BSN: variants seen among roughly 807,000 people sequenced by gnomAD.
BSN encodes the protein protein bassoon.
A neutral mutation model predicts 264.8 loss-of-function variants in BSN; 57 were observed. The observed-to-expected ratio is 0.22, with a 90% CI of 0.17 to 0.27. The LOEUF (loss-of-function observed/expected upper bound fraction) is 0.27, where lower values mean the gene tolerates loss of function less well. Among genes scored for constraint, BSN ranks in the 10% least tolerant of loss-of-function variants. The pLI is 1.00. For synonymous variants in BSN, 2,059 were observed against 2,137.3 expected (o/e 0.96, Z 1.01); for missense variants, 4,615 against 5,232.5 (o/e 0.88, Z 3.64).
Position 49,554,749 on chromosome 3 carries a change from G to A in BSN, c.147G>A (p.Ala49=). Residue 49 remains alanine (A), a synonymous_variant, in exon 1 of 12, where the codon GCG becomes GCA. Coordinates refer to ENST00000296452, the MANE Select transcript of BSN (RefSeq NM_003458.4). ...CCGGTGGCGGACAGCTCCCCGCGGC[G>A]GGAGCAGCGCGGTCGACCGCGGTAC... ...APAGGGQLPA[A]GAARSTAVPP... 8.1e-7 allele frequency: 1 copy of A among 1,231,442 alleles called. No individual in the cohort carries two copies. The highest frequency in any genetic ancestry group is 1.0e-6 in the Non-Finnish European group (1 of 985,536). The allele number at this position is 1,231,442 out of a possible 1,614,324, so 76.3% of individuals were successfully genotyped here.
chr3:49,641,064 G>A (rs1365823888), intron 2 of BSN, among the ~76,000 whole-genome samples: 2 of 152,140 alleles, frequency 1.3e-5, no homozygotes, highest in African/African-American at 2.4e-5. Context: ...ACAGAGTTGT[G>A]CTGAAGAGTT....
At chr3:49,618,314 C>A (rs184982119) in intron 1 of BSN, among the ~76,000 whole-genome samples, 1 of 152,234 alleles carries the variant, frequency 6.6e-6, no homozygotes, top group East Asian at 1.9e-4. Context: ...GACTTCTCTC[C>A]CTGGATTCCC....
In BSN at chr3:49,654,548, A is replaced by C; in HGVS notation, c.4992A>C (p.Ala1664=). ...VEPGPRTPGT[A]VVDLRTAVKP... is the part of the protein sequence containing the mutation. ...CAGGCCCCAGGACCCCTGGCACTGC[A>C]GTGGTAGACCTCCGTACAGCTGTCA... The change falls in exon 5 of 12, where the codon GCA becomes GCC. Residue 1664 remains alanine, a synonymous_variant. Coordinates refer to ENST00000296452, the MANE Select transcript of BSN (RefSeq NM_003458.4). This position sits in a 1 kb window ranked among gnomAD's most constrained non-coding sequence, Gnocchi z 4.1. 6.2e-7 allele frequency: 1 copy of C among 1,610,536 alleles called. No individual in the cohort carries two copies. Among genetic ancestry groups the C allele is most frequent in the South Asian group, 1.1e-5 (1 of 90,492 alleles).
chr3:49,627,466 C>T (rs1056641569), intron 2 of BSN, among the ~76,000 whole-genome samples: 2 of 152,296 alleles, frequency 1.3e-5, no homozygotes, highest in Non-Finnish European at 2.9e-5. Context: ...AAGCATAATT[C>T]GTGAACCAGT....
rs202174799 is a variant in BSN at position 49,647,327 on chromosome 3, C to G, written c.1519-3285C>G. ...TACCCTAAATAGTGATGCCCTGAAC[C>G]ACTGAGTGCCATCTGATGGCATACA... On this transcript the variant is annotated intron_variant, in intron 3 of 11. Transcript: ENST00000296452. Among the ~76,000 whole-genome samples the G allele has an allele frequency of 1.5e-4, 23 of 152,344 alleles. No homozygotes were observed. The East Asian group carries it at 4.4e-3, about 29-fold the overall frequency.
downstream of BSN, among the ~76,000 whole-genome samples, chr3:49,671,773 T>G (rs777011222): frequency 6.6e-6 from 1 of 152,178 alleles, no homozygotes; most frequent in Non-Finnish European, 1.5e-5. This position sits in a 1 kb window ranked among gnomAD's most constrained non-coding sequence, Gnocchi z 4.1. Flanking sequence ...GAGCAGGCAG[T>G]CAGTGCGCAG....
Position 49,638,083 on chromosome 3 carries a change from C to T in BSN, c.634-4185C>T, listed in dbSNP as rs868629064. ...AGATCAGGATCTTGGAGGTATTAGA[C>T]AGCAGAACCCTAGCTGAGGCTTCTT... On this transcript the variant is annotated intron_variant, in intron 2 of 11. Transcript: ENST00000296452. The surrounding 1 kb of genome is among the most constrained non-coding windows in gnomAD (Gnocchi z 4.3). Among the ~76,000 whole-genome samples, 3 of 152,208 alleles carry T rather than the reference C, an allele frequency of 2.0e-5. No individual in the cohort carries two copies. Among genetic ancestry groups the T allele is most frequent in the African/African-American group, 4.8e-5 (2 of 41,454 alleles).
rs568833940 is a variant in BSN at position 49,613,744 on chromosome 3, G to A, written c.225-11231G>A. ...GCTGGTCTCAAACTCCTGACTTCAA[G>A]TGATCCACCTGCCTTGGCCTCCCAA... On this transcript the variant is annotated intron_variant, in intron 1 of 11. Transcript: ENST00000296452. Among the ~76,000 whole-genome samples the A allele has an allele frequency of 7.1e-4, 107 of 151,456 alleles. 2 individuals carry two copies. Among genetic ancestry groups the A allele is most frequent in the African/African-American group, 2.5e-3 (104 of 41,264 alleles).
intron 1 of BSN, among the ~76,000 whole-genome samples, chr3:49,561,773 G>A (rs897275525): frequency 1.4e-4 from 22 of 152,032 alleles, no homozygotes; most frequent in Non-Finnish European, 2.8e-4. Context: ...TATAGTCACC[G>A]TGTTGTACAG....
chr3:49,565,599 C>T (rs940703542), intron 1 of BSN, among the ~76,000 whole-genome samples: 9 of 151,988 alleles, frequency 5.9e-5, no homozygotes, highest in Non-Finnish European at 7.4e-5. Context: ...GGATTACAGG[C>T]GTGAGCTACC....
In BSN at chr3:49,625,405, C is replaced by T. The variant is rs369380172; in HGVS notation, c.633+22C>T. On this transcript the variant is annotated intron_variant, in intron 2 of 11. Transcript: ENST00000296452. This position sits in a 1 kb window ranked among gnomAD's most constrained non-coding sequence, Gnocchi z 4.4. ...CCAGGTAACCACTTCTGCGCCGGCT[C>T]CCCACTCACCTGCTACCTCATTACC... 3.7e-5 allele frequency: 54 copies of T among 1,445,666 alleles called. 1 individual carries two copies. The highest frequency in any genetic ancestry group is 3.9e-5 in the Non-Finnish European group (43 of 1,100,806). 89.6% of individuals were successfully genotyped at this position (1,445,666 alleles called of 1,614,324 possible). A position where few individuals can be genotyped will look rare whatever the true frequency, so the allele number is the denominator to read the frequency against.
chr3:49,605,477 T>TTATATATTATATATAA (rs1334374239), intron 1 of BSN, among the ~76,000 whole-genome samples: 1 of 5,576 alleles, frequency 1.8e-4, no homozygotes, highest in Admixed American at 5.6e-3. Flanking sequence ...ATAATATATA[T>TTATATATTATATATAA]TATATAATAT....
At chr3:49,555,935 G>A (rs566523858) in intron 1 of BSN, among the ~76,000 whole-genome samples, 85 of 152,332 alleles carry the variant, frequency 5.6e-4, no homozygotes, top group Non-Finnish European at 1.5e-4. Flanking sequence ...TATTTCCTCA[G>A]AAGTCATTTC....
In BSN at chr3:49,656,932, A is replaced by G; in HGVS notation, c.7376A>G (p.Gln2459Arg). Residue 2459 changes from glutamine (Q) to arginine (R), a missense_variant, in exon 5 of 12, where the codon CAG becomes CGG. By Grantham distance (43) the Gln-to-Arg change is conservative. This residue lies in a region of BSN where 3,415 missense variants were observed against 3,866.4 expected (regional missense o/e 0.88). Coordinates refer to ENST00000296452, the MANE Select transcript of BSN (RefSeq NM_003458.4). ...RLQLEQIQQL[Q>R]QQLQQQLEEQ... is the part of the protein sequence containing the mutation. Reference sequence around the variant, plus strand: ...CAGCTGGAGCAGATCCAGCAGCTGCAGCAGCAGCTGCAGCAGCAGCTAGAG... The same window carrying G: ...CAGCTGGAGCAGATCCAGCAGCTGCGGCAGCAGCTGCAGCAGCAGCTAGAG... 1.3e-6 allele frequency: 2 copies of G among 1,598,642 alleles called. No individual in the cohort carries two copies. Among genetic ancestry groups the G allele is most frequent in the Non-Finnish European group, 1.7e-6 (2 of 1,171,442 alleles).
chr3:49,589,167 C>T (rs138320228), intron 1 of BSN, among the ~76,000 whole-genome samples: 10,426 of 151,014 alleles, frequency 0.069, 494 homozygotes, highest in Middle Eastern at 0.1. Flanking sequence ...CCGCCTCGGC[C>T]TCCCAAAGTG....
At chr3:49,617,207 T>C (rs1053642109) in intron 1 of BSN, among the ~76,000 whole-genome samples, 3 of 151,730 alleles carry the variant, frequency 2.0e-5, no homozygotes, top group African/African-American at 7.3e-5. Context: ...CCATGGCACA[T>C]GTATACCTAT....
intron 1 of BSN, among the ~76,000 whole-genome samples, chr3:49,571,546 A>C (rs569053204): frequency 2.6e-5 from 4 of 152,150 alleles, no homozygotes; most frequent in Admixed American, 2.0e-4. Flanking sequence ...CATAGGATGG[A>C]GTTTGGTGGC....
At position 49,658,061 on chromosome 3, in the gene BSN, C is replaced by T; in HGVS notation, c.8505C>T (p.Arg2835=). Residue 2835 remains arginine, a synonymous_variant, in exon 5 of 12, where the codon CGC becomes CGT. Coordinates refer to ENST00000296452, the MANE Select transcript of BSN (RefSeq NM_003458.4). ...QKHFTADSAL[R]QQTLPRPMKT... is the part of the protein sequence containing the mutation. ...ACTTCACGGCTGACAGCGCTCTCCG[C>T]CAGCAGACGCTGCCTCGCCCCATGA... is the stretch of plus-strand genomic sequence containing the variant. 1 of 1,613,422 alleles carries T rather than the reference C, an allele frequency of 6.2e-7. No individual in the cohort carries two copies. Among genetic ancestry groups the T allele is most frequent in the Non-Finnish European group, 8.5e-7 (1 of 1,179,952 alleles).
intron 5 of BSN, among the ~76,000 whole-genome samples, chr3:49,658,902 A>G (rs2052632447): frequency 6.6e-6 from 1 of 152,202 alleles, no homozygotes; most frequent in African/African-American, 2.4e-5. Flanking sequence ...GTGAGAATAG[A>G]GGGTTGTGAG....
Sources: gnomAD v4.1 joint callset for allele counts (sites outside exome capture counted in the v4.1 genomes callset) on GRCh38, gnomAD v4.1.1 for gene constraint, gnomAD v4.1.1 regional missense constraint, Gnocchi (gnomAD v3.1) non-coding constraint, MANE v1.5 for transcripts, NCBI Gene and HGNC (gene_info 2026-07-23, HGNC 2026-07-21) for gene names.